CDYL2: variants seen among roughly 807,000 people sequenced by gnomAD.
CDYL2 encodes chromodomain Y like 2, also known as chromodomain Y-like protein 2.
In CDYL2, 23 loss-of-function variants were observed where a neutral mutation model predicts 49.4. That is an observed-to-expected ratio of 0.47 (90% CI 0.34 to 0.66). The LOEUF (loss-of-function observed/expected upper bound fraction) is 0.66. Among genes scored for constraint, CDYL2 ranks in the 30% least tolerant of loss-of-function variants. The pLI, the probability that CDYL2 is intolerant of heterozygous loss-of-function variation, is 0.01. For synonymous variants in CDYL2, 360 were observed against 268.8 expected (o/e 1.34, Z -3.32); for missense variants, 678 against 656.4 (o/e 1.03, Z -0.36).
At position 80,759,118 on chromosome 16, in the gene CDYL2, A is replaced by ATATATATATATATATATATATATGGTT. The variant is rs1567597470; in HGVS notation, c.24+45031_24+45032insAACCATATATATATATATATATATATA. Among the ~76,000 whole-genome samples, 325 of 118,404 alleles carry ATATATATATATATATATATATATGGTT rather than the reference A, an allele frequency of 2.7e-3. 3 individuals carry two copies. The highest frequency in any genetic ancestry group is 3.8e-3 in the African/African-American group (104 of 27,066). The allele number at this position is 118,404 out of a possible 152,430, so 77.7% of individuals were successfully genotyped here. On this transcript the variant is annotated intron_variant, in intron 1 of 6. Transcript: ENST00000570137. ...AACCATATACTATATATATATATAT[A>ATATATATATATATATATATATATGGTT]TATATATATATATATATATATGGTT...
intron 2 of CDYL2, among the ~76,000 whole-genome samples, chr16:80,666,113 C>G (rs929790987): frequency 1.3e-5 from 2 of 152,158 alleles, no homozygotes; most frequent in African/African-American, 4.8e-5. Context: ...GGCAGGCTTG[C>G]TATTCCCGGA....
chr16:80,716,247 T>G (rs1033881792), intron 1 of CDYL2, among the ~76,000 whole-genome samples: 2 of 152,244 alleles, frequency 1.3e-5, no homozygotes, highest in African/African-American at 4.8e-5. Flanking sequence ...GCTATTTCCT[T>G]CCAAGTACTT....
intron 1 of CDYL2, among the ~76,000 whole-genome samples, chr16:80,800,584 T>G (rs1428768995): frequency 6.6e-6 from 1 of 151,252 alleles, no homozygotes; most frequent in African/African-American, 2.4e-5. Flanking sequence ...CAAAAAAAAA[T>G]GGATAGTTGT....
In CDYL2 at chr16:80,612,595, G is replaced by T; in HGVS notation, c.1218+31C>A. 2 of 1,567,118 alleles carry T rather than the reference G, an allele frequency of 1.3e-6. No homozygotes were observed. The highest frequency in any genetic ancestry group is 8.7e-7 in the Non-Finnish European group (1 of 1,154,622). ...CAAGGCAGAGGAAGGATCCTGCTGGGACCCGAATCCAGGTATCACAGGAGG... is the reference window on the plus strand; with the variant it reads ...CAAGGCAGAGGAAGGATCCTGCTGGTACCCGAATCCAGGTATCACAGGAGG... On this transcript the variant is annotated intron_variant, in intron 5 of 6. Coordinates refer to ENST00000570137, the MANE Select transcript of CDYL2 (RefSeq NM_152342.4). This position sits in a 1 kb window ranked among gnomAD's most constrained non-coding sequence, Gnocchi z 5.0.
At chr16:80,765,635 A>G (rs1406954700) in intron 1 of CDYL2, among the ~76,000 whole-genome samples, 1 of 150,986 alleles carries the variant, frequency 6.6e-6, no homozygotes, top group East Asian at 2.0e-4. Flanking sequence ...AGCATAATTC[A>G]TGATAGCCAA....
At chr16:80,677,992 G>C (rs916825537) in intron 2 of CDYL2, among the ~76,000 whole-genome samples, 45 of 151,544 alleles carry the variant, frequency 3.0e-4, no homozygotes, top group Admixed American at 9.2e-4. Flanking sequence ...ACAAACCTGA[G>C]AAAAACAAGA....
chr16:80,751,807 T>TTC (rs1906146592), intron 1 of CDYL2, among the ~76,000 whole-genome samples: 1 of 152,184 alleles, frequency 6.6e-6, no homozygotes, highest in East Asian at 1.9e-4. Context: ...TAATCAGAGA[T>TTC]AGCTGAACCT....
At chr16:80,661,606 C>T (rs947093274) in intron 2 of CDYL2, among the ~76,000 whole-genome samples, 4 of 152,168 alleles carry the variant, frequency 2.6e-5, no homozygotes, top group Non-Finnish European at 5.9e-5. Flanking sequence ...ATGCTGGATT[C>T]GAGCATCAAG....
intron 2 of CDYL2, among the ~76,000 whole-genome samples, chr16:80,651,535 G>A (rs1351196612): frequency 6.6e-6 from 1 of 152,128 alleles, no homozygotes; most frequent in Non-Finnish European, 1.5e-5. Context: ...TAGACATTAA[G>A]CGCTTGTCAA....
intron 1 of CDYL2, among the ~76,000 whole-genome samples, chr16:80,803,519 C>G (rs1210895919): frequency 6.6e-6 from 1 of 152,018 alleles, no homozygotes; most frequent in Non-Finnish European, 1.5e-5. Context: ...GGTGCGGGGG[C>G]AGCAGGTGGG....
chr16:80,633,240 C>T lies in CDYL2; in HGVS notation c.617-4G>A. The T allele has an allele frequency of 6.2e-7, 1 of 1,609,706 alleles. No homozygotes were observed. The highest frequency in any genetic ancestry group is 8.5e-7 in the Non-Finnish European group (1 of 1,176,492). ...CCCCCGTTGGTCAGAGCAGAGCCTT[C>T]CAAAACCAGATAAACAATGTAAGAA... is the stretch of plus-strand genomic sequence containing the variant. On this transcript the variant is annotated splice_region_variant and splice_polypyrimidine_tract_variant and intron_variant, in intron 2 of 6. Coordinates refer to ENST00000570137, the MANE Select transcript of CDYL2 (RefSeq NM_152342.4).
Position 80,683,157 on chromosome 16 carries a change from T to A in CDYL2, c.616+1381A>T, listed in dbSNP as rs116581937. 4.5e-3 allele frequency among the ~76,000 whole-genome samples: 686 copies of A among 152,298 alleles called. 7 individuals are homozygous for A. Among genetic ancestry groups the A allele is most frequent in the African/African-American group, 0.016 (665 of 41,560 alleles). ...AGCCCTTCTAACCATTCCCCCTGCA[T>A]CCAAGCATCCCGGTCTCCACACGCA... On this transcript the variant is annotated intron_variant, in intron 2 of 6. Transcript: ENST00000570137.
At chr16:80,747,427 T>C (rs1027154839) in intron 1 of CDYL2, among the ~76,000 whole-genome samples, 2 of 152,126 alleles carry the variant, frequency 1.3e-5, no homozygotes, top group East Asian at 3.9e-4. Flanking sequence ...TAAGAAGATA[T>C]CGCATGCAAA....
chr16:80,655,770 G>C (rs1908781996), intron 2 of CDYL2, among the ~76,000 whole-genome samples: 1 of 152,156 alleles, frequency 6.6e-6, no homozygotes, highest in South Asian at 2.1e-4. Flanking sequence ...CTGGATGCGG[G>C]TGGCTGAAAC....
At chr16:80,799,558 T>G (rs1907864844) in intron 1 of CDYL2, among the ~76,000 whole-genome samples, 1 of 152,188 alleles carries the variant, frequency 6.6e-6, no homozygotes, top group African/African-American at 2.4e-5. Flanking sequence ...GATCCAAATC[T>G]TGGTAATCTA....
chr16:80,750,124 T>C (rs1425025705), intron 1 of CDYL2, among the ~76,000 whole-genome samples: 1 of 152,026 alleles, frequency 6.6e-6, no homozygotes, highest in Non-Finnish European at 1.5e-5. Context: ...TTAGGATATA[T>C]ACCTAATGTA....
intron 1 of CDYL2, among the ~76,000 whole-genome samples, chr16:80,727,998 A>G (rs1456488154): frequency 6.6e-6 from 1 of 152,202 alleles, no homozygotes; most frequent in Admixed American, 6.5e-5. Context: ...CAAAGGTGGG[A>G]AAAAAACAGA....
chr16:80,665,658 T>C (rs1289094349), intron 2 of CDYL2, among the ~76,000 whole-genome samples: 3 of 151,646 alleles, frequency 2.0e-5, no homozygotes, highest in Admixed American at 6.6e-5. Flanking sequence ...GCAAGGGTGG[T>C]GAAGTGGGAG....
intron 1 of CDYL2, among the ~76,000 whole-genome samples, chr16:80,730,044 A>G (rs1030417885): frequency 5.3e-5 from 8 of 152,174 alleles, no homozygotes; most frequent in Non-Finnish European, 1.0e-4. Flanking sequence ...TAAAAGAACT[A>G]GAAAAGCAAG....
Sources: gnomAD v4.1 joint callset for allele counts (sites outside exome capture counted in the v4.1 genomes callset) on GRCh38, gnomAD v4.1.1 for gene constraint, Gnocchi (gnomAD v3.1) non-coding constraint, MANE v1.5 for transcripts, NCBI Gene and HGNC (gene_info 2026-07-23, HGNC 2026-07-21) for gene names.